SLC24A2: variants seen among roughly 807,000 people sequenced by gnomAD.
The protein encoded by SLC24A2 is solute carrier family 24 member 2, also known as sodium/potassium/calcium exchanger 2.
A neutral mutation model predicts 62.0 loss-of-function variants in SLC24A2; 36 were observed. That is an observed-to-expected ratio of 0.58 (90% CI 0.44 to 0.77). The LOEUF is 0.77. Ranked by LOEUF, SLC24A2 falls within the 30% of genes least tolerant of loss-of-function variation. The pLI, the probability that SLC24A2 is intolerant of heterozygous loss-of-function variation, is 0.00. For missense variants in SLC24A2, 846 were observed against 817.9 expected (o/e 1.03, Z -0.42); for synonymous variants, 358 against 294.0 (o/e 1.22, Z -2.23).
At chr9:19,981,922 T>C in the SLC24A2 span, among the ~76,000 whole-genome samples, 1 of 152,160 alleles carries the variant, frequency 6.6e-6, no homozygotes, top group African/African-American at 2.4e-5. Context: ...CTACCCACTA[T>C]GAGATTAACC....
At chr9:20,142,768 G>T in the SLC24A2 span, among the ~76,000 whole-genome samples, 1 of 152,018 alleles carries the variant, frequency 6.6e-6, no homozygotes, top group Non-Finnish European at 1.5e-5. Context: ...GCTAATTTTT[G>T]TATTTTTTGT....
the SLC24A2 span, among the ~76,000 whole-genome samples, chr9:20,149,572 A>T: frequency 2.6e-4 from 40 of 152,160 alleles, no homozygotes; most frequent in African/African-American, 8.9e-4. Flanking sequence ...CTACTACATC[A>T]TGCAATCAGT....
chr9:20,162,931 C>G, the SLC24A2 span, among the ~76,000 whole-genome samples: 1 of 152,124 alleles, frequency 6.6e-6, no homozygotes, highest in Non-Finnish European at 1.5e-5. Flanking sequence ...AATTTAACAA[C>G]TCTTCATGAT....
At chr9:19,935,764 C>G in the SLC24A2 span, among the ~76,000 whole-genome samples, 1 of 152,158 alleles carries the variant, frequency 6.6e-6, no homozygotes, top group Non-Finnish European at 1.5e-5. Flanking sequence ...GTGAGGAACT[C>G]ATAGGGAAGG....
the SLC24A2 span, among the ~76,000 whole-genome samples, chr9:19,799,488 C>A: frequency 6.6e-6 from 1 of 152,180 alleles, no homozygotes; most frequent in East Asian, 1.9e-4. Context: ...CATGCCTGCA[C>A]TTAGCTCATG....
At chr9:19,616,483 T>G (rs1369925245) in intron 4 of SLC24A2, among the ~76,000 whole-genome samples, 1 of 152,218 alleles carries the variant, frequency 6.6e-6, no homozygotes, top group African/African-American at 2.4e-5. Flanking sequence ...TTTTAATTGC[T>G]ACATAATACT....
the SLC24A2 span, among the ~76,000 whole-genome samples, chr9:20,111,393 C>T: frequency 6.6e-6 from 1 of 152,110 alleles, no homozygotes; most frequent in Non-Finnish European, 1.5e-5. Context: ...AGGGTTAGTG[C>T]CCTCTCCAGG....
At chr9:20,288,041 A>ACACACACACACACAC in the SLC24A2 span, among the ~76,000 whole-genome samples, 1 of 146,566 alleles carries the variant, frequency 6.8e-6, no homozygotes, top group African/African-American at 2.4e-5. Context: ...TTAGGAAAAA[A>ACACACACACACACAC]ACACACACAC....
chr9:20,244,049 G>A, the SLC24A2 span, among the ~76,000 whole-genome samples: 4 of 152,174 alleles, frequency 2.6e-5, no homozygotes, highest in Non-Finnish European at 4.4e-5. Context: ...CAGCAGGGCA[G>A]CCCATGCAGG....
intron 2 of SLC24A2, among the ~76,000 whole-genome samples, chr9:19,778,121 A>C (rs1340952511): frequency 6.6e-6 from 1 of 152,220 alleles, no homozygotes. Flanking sequence ...CTTTTGAGAA[A>C]TCTATAGTCT....
At chr9:20,243,693 T>C in the SLC24A2 span, among the ~76,000 whole-genome samples, 6 of 152,156 alleles carry the variant, frequency 3.9e-5, no homozygotes, top group Non-Finnish European at 8.8e-5. Flanking sequence ...TAGAAGACTT[T>C]TAATTTTTCC....
At chr9:19,820,273 G>C in the SLC24A2 span, among the ~76,000 whole-genome samples, 1 of 149,726 alleles carries the variant, frequency 6.7e-6, no homozygotes. Context: ...AATGGAGTTT[G>C]GGGGTTTGGG....
the SLC24A2 span, among the ~76,000 whole-genome samples, chr9:19,822,311 G>A: frequency 2.6e-5 from 4 of 152,054 alleles, no homozygotes; most frequent in Admixed American, 6.6e-5. Flanking sequence ...ACCCTTTAAC[G>A]GCTTGTCACC....
At chr9:19,663,482 C>G (rs549525588) in intron 2 of SLC24A2, among the ~76,000 whole-genome samples, 5 of 152,304 alleles carry the variant, frequency 3.3e-5, no homozygotes, top group African/African-American at 9.6e-5. Flanking sequence ...AATCTGTCAA[C>G]TGTGAACGGT....
At chr9:20,108,444 A>C in the SLC24A2 span, among the ~76,000 whole-genome samples, 34 of 152,322 alleles carry the variant, frequency 2.2e-4, 1 homozygote, top group Admixed American at 2.1e-3. Context: ...ACTTGGAACC[A>C]ACCCAAATGT....
intron 2 of SLC24A2, among the ~76,000 whole-genome samples, chr9:19,689,641 C>T (rs1175929056): frequency 6.6e-6 from 1 of 152,130 alleles, no homozygotes; most frequent in Non-Finnish European, 1.5e-5. Context: ...TAAACAATGG[C>T]CTCCACTTCT....
the SLC24A2 span, among the ~76,000 whole-genome samples, chr9:19,848,164 T>C: frequency 0.018 from 2,086 of 119,124 alleles, 57 homozygotes; most frequent in African/African-American, 0.05. Context: ...TAAACTTGTA[T>C]AGAAGAGGGG....
At chr9:20,240,085 T>C in the SLC24A2 span, among the ~76,000 whole-genome samples, 4 of 152,112 alleles carry the variant, frequency 2.6e-5, no homozygotes, top group East Asian at 1.9e-4. Context: ...AACTGATGTG[T>C]CTCCCTCTCC....
At chr9:19,846,800 G>C in the SLC24A2 span, among the ~76,000 whole-genome samples, 1 of 152,070 alleles carries the variant, frequency 6.6e-6, no homozygotes, top group East Asian at 1.9e-4. Flanking sequence ...GCTGAGGCAG[G>C]AGGATTGCTT....
Sources: allele counts gnomAD v4.1 joint callset (sites outside exome capture counted in the v4.1 genomes callset), GRCh38; gene constraint gnomAD v4.1.1; transcripts MANE v1.5; gene names NCBI Gene and HGNC (gene_info 2026-07-23, HGNC 2026-07-21).